Variants in PPP1R9A observed in about 807,000 individuals in gnomAD.
PPP1R9A encodes protein phosphatase 1 regulatory subunit 9A, also known as neurabin-1.
PPP1R9A carries 59 observed loss-of-function variants against 141.9 expected under a neutral mutation model. The ratio of observed to expected loss-of-function variants is 0.42; its 90% CI spans 0.34 to 0.52. The LOEUF (loss-of-function observed/expected upper bound fraction) is 0.52. Ranked by LOEUF, PPP1R9A falls within the 20% of genes least tolerant of loss-of-function variation. The pLI is 0.10. For missense variants in PPP1R9A, 1,444 were observed against 1,611.9 expected (o/e 0.90, Z 1.78); for synonymous variants, 500 against 569.7 (o/e 0.88, Z 1.74).
At chr7:95,111,898 T>C (rs1820643139) in intron 3 of PPP1R9A, among the ~76,000 whole-genome samples, 1 of 151,998 alleles carries the variant, frequency 6.6e-6, no homozygotes, top group African/African-American at 2.4e-5. Flanking sequence ...CCTTCTGATT[T>C]CTCTCCCAGG....
intron 2 of PPP1R9A, among the ~76,000 whole-genome samples, chr7:94,989,421 A>T (rs1801232027): frequency 6.6e-6 from 1 of 152,110 alleles, no homozygotes; most frequent in South Asian, 2.1e-4. Context: ...AGTCAGTTGA[A>T]CCTCCATGGG....
intron 2 of PPP1R9A, among the ~76,000 whole-genome samples, chr7:95,106,969 A>C (rs1445168454): frequency 6.6e-6 from 1 of 151,908 alleles, no homozygotes; most frequent in Non-Finnish European, 1.5e-5. Flanking sequence ...TTTAGTAGAG[A>C]TGGGGTTTCG....
chr7:95,177,112 G>A (rs1833018388), intron 5 of PPP1R9A, among the ~76,000 whole-genome samples: 1 of 152,108 alleles, frequency 6.6e-6, no homozygotes, highest in Non-Finnish European at 1.5e-5. Flanking sequence ...TAAGAGCTGT[G>A]AGACAAAAGT....
At chr7:95,006,070 G>A (rs1803539699) in intron 2 of PPP1R9A, among the ~76,000 whole-genome samples, 2 of 152,036 alleles carry the variant, frequency 1.3e-5, no homozygotes, top group Middle Eastern at 3.4e-3. Context: ...GTTTTTAAAT[G>A]TCTTAATGTT....
chr7:94,960,169 CTTT>C (rs545105548), intron 2 of PPP1R9A, among the ~76,000 whole-genome samples: 3 of 139,552 alleles, frequency 2.1e-5, no homozygotes, highest in South Asian at 2.3e-4. Flanking sequence ...CTCTCTCTCT[CTTT>C]TTTTTTTTTT....
At chr7:94,928,764 C>G (rs1391418644) in intron 2 of PPP1R9A, among the ~76,000 whole-genome samples, 1 of 151,928 alleles carries the variant, frequency 6.6e-6, no homozygotes, top group Non-Finnish European at 1.5e-5. Flanking sequence ...AAATTGAATT[C>G]TTTGGGGAAG....
chr7:95,097,414 A>G (rs940231221), intron 2 of PPP1R9A, among the ~76,000 whole-genome samples: 1 of 71,220 alleles, frequency 1.4e-5, no homozygotes, highest in African/African-American at 3.5e-5. Context: ...GGCTCAAAAG[A>G]GAGAGAAAGT....
chr7:95,158,979 C>A (rs1300348178), intron 4 of PPP1R9A, among the ~76,000 whole-genome samples: 14 of 152,154 alleles, frequency 9.2e-5, no homozygotes, highest in Admixed American at 8.5e-4. Context: ...TTGTTAATGT[C>A]TAATAAAATT....
chr7:95,181,143 A>G (rs1484948405), intron 5 of PPP1R9A, among the ~76,000 whole-genome samples: 1 of 149,294 alleles, frequency 6.7e-6, no homozygotes, highest in Non-Finnish European at 1.5e-5. Flanking sequence ...TCAATCAAAG[A>G]GTCGATATAG....
intron 3 of PPP1R9A, among the ~76,000 whole-genome samples, chr7:95,118,443 A>G (rs1163586514): frequency 6.6e-6 from 1 of 152,178 alleles, no homozygotes; most frequent in Non-Finnish European, 1.5e-5. Flanking sequence ...CTTAGAATCA[A>G]TGTGGAAGTG....
At chr7:95,128,270 T>C (rs1458397355) in intron 4 of PPP1R9A, among the ~76,000 whole-genome samples, 1 of 152,200 alleles carries the variant, frequency 6.6e-6, no homozygotes, top group Non-Finnish European at 1.5e-5. Flanking sequence ...ATTAGTGATA[T>C]GGAGCATTTT....
rs142260647 is a variant in PPP1R9A, at chr7:95,225,127, C to G, written c.1957-834C>G. On this transcript the variant is annotated intron_variant, in intron 7 of 19. Coordinates refer to ENST00000433360, the MANE Select transcript of PPP1R9A (RefSeq NM_001166160.2). Reference sequence around the variant, plus strand: ...TCAGGAACTCAGATACCTACAGGGACAGGTGGGTATTACAAAGGAGTGAAG... The same window carrying G: ...TCAGGAACTCAGATACCTACAGGGAGAGGTGGGTATTACAAAGGAGTGAAG... 7.7e-3 allele frequency among the ~76,000 whole-genome samples: 1,178 copies of G among 152,088 alleles called. 13 individuals carry two copies. Among genetic ancestry groups the G allele is most frequent in the African/African-American group, 0.027 (1,118 of 41,506 alleles).
rs1806180439 is a variant in PPP1R9A at position 95,290,334 on chromosome 7, T to A, written c.*31T>A. ...ACCCTCTTACAGATGATGGAGATGC[T>A]CCAAGAGAAGTCCCCACCTCTTCCT... is the stretch of plus-strand genomic sequence containing the variant. On this transcript the variant is annotated 3_prime_UTR_variant, in exon 20 of 20. Coordinates refer to ENST00000433360, the MANE Select transcript of PPP1R9A (RefSeq NM_001166160.2). 1 of 1,579,914 alleles carries A rather than the reference T, an allele frequency of 6.3e-7. No homozygotes were observed. The highest frequency in any genetic ancestry group is 1.2e-5 in the South Asian group (1 of 86,920).
intron 7 of PPP1R9A, among the ~76,000 whole-genome samples, chr7:95,220,476 G>C (rs963938327): frequency 6.6e-6 from 1 of 152,026 alleles, no homozygotes; most frequent in East Asian, 1.9e-4. Context: ...AACAACAAGA[G>C]AAAATCCCCA....
At chr7:94,924,302 T>C (rs1259194445) in intron 2 of PPP1R9A, among the ~76,000 whole-genome samples, 13 of 152,220 alleles carry the variant, frequency 8.5e-5, no homozygotes, top group Admixed American at 1.3e-4. Context: ...CTTATGTTTT[T>C]CCATAGAGAC....
chr7:94,968,354 A>G (rs1798465937), intron 2 of PPP1R9A, among the ~76,000 whole-genome samples: 1 of 151,776 alleles, frequency 6.6e-6, no homozygotes, highest in South Asian at 2.1e-4. Context: ...TTATATTTTT[A>G]GTAGAGACGG....
chr7:94,922,438 A>C (rs1792965598), intron 2 of PPP1R9A, among the ~76,000 whole-genome samples: 1 of 152,028 alleles, frequency 6.6e-6, no homozygotes, highest in South Asian at 2.1e-4. Flanking sequence ...TTACTTTCTA[A>C]ATCAGTGTTT....
At chr7:95,261,563 T>C (rs1024427621) in intron 12 of PPP1R9A, among the ~76,000 whole-genome samples, 3 of 152,104 alleles carry the variant, frequency 2.0e-5, no homozygotes, top group African/African-American at 7.2e-5. Flanking sequence ...CAGGTATTAA[T>C]TTTTGGTTTT....
chr7:94,910,849 C>G lies in PPP1R9A; in HGVS notation c.736C>G (p.Leu246Val). 6.2e-7 allele frequency: 1 copy of G among 1,613,932 alleles called. No homozygotes were observed. Among genetic ancestry groups the G allele is most frequent in the Non-Finnish European group, 8.5e-7 (1 of 1,180,018 alleles). Reference sequence around the variant, plus strand: ...TTTACCATCTGTTACTGTTACAAATCTTGACACATTTGGTCACCTGAAGGA... The same window carrying G: ...TTTACCATCTGTTACTGTTACAAATGTTGACACATTTGGTCACCTGAAGGA... The part of the protein sequence containing the change: ...LNLPSVTVTN[L>V]DTFGHLKDSN... The change falls in exon 2 of 20, where the codon CTT (leucine) becomes GTT (valine). Residue 246 changes from leucine to valine, a missense_variant. Around this residue, in one of 5 missense-constraint regions of PPP1R9A, gnomAD observed 490 missense variants for 521.1 expected, o/e 0.94. Coordinates refer to ENST00000433360, the MANE Select transcript of PPP1R9A (RefSeq NM_001166160.2). This position sits in a 1 kb window ranked among gnomAD's most constrained non-coding sequence, Gnocchi z 4.5.
Sources: allele counts gnomAD v4.1 joint callset (sites outside exome capture counted in the v4.1 genomes callset), GRCh38; gene constraint gnomAD v4.1.1; regional missense constraint gnomAD v4.1.1; non-coding constraint Gnocchi (gnomAD v3.1); transcripts MANE v1.5; gene names NCBI Gene and HGNC (gene_info 2026-07-23, HGNC 2026-07-21).